The following MORC3 variants were observed in gnomAD, a reference collection of about 807,000 sequenced individuals.
MORC3 encodes the protein MORC family CW-type zinc finger 3.
In MORC3, 31 loss-of-function variants were observed where a neutral mutation model predicts 109.1. The observed-to-expected ratio is 0.28, with a 90% CI of 0.21 to 0.38. The LOEUF is 0.38. MORC3 is among the 10% of genes least tolerant of loss of function. The probability of loss-of-function intolerance (pLI) is 1.00; values close to 1 mark genes in which losing one functional copy is unlikely to be tolerated. For synonymous variants in MORC3, 395 were observed against 380.7 expected, an observed-to-expected ratio of 1.04 and a Z score of -0.44; for missense variants, 867 against 1,135.8, an observed-to-expected ratio of 0.76 and a Z score of 3.40.
chr21:36,367,842 A>G (rs2085799793), intron 14 of MORC3, among the ~76,000 whole-genome samples: 1 of 152,264 alleles, frequency 6.6e-6, no homozygotes, highest in Admixed American at 6.5e-5. Context: ...TGAAAATGGA[A>G]TGATGCTTTT....
rs199978347 is a variant in MORC3 at position 36,360,295 on chromosome 21, C to G, written c.1406+37C>G. 6.4e-5 allele frequency: 100 copies of G among 1,563,788 alleles called. No individual in the cohort carries two copies. In the East Asian group the frequency reaches 2.2e-3, roughly 35 times the overall value. ...ATTGATGTATAGTGGGTAATAATGC[C>G]CAGATCATGAACAGTGATGCCTTGG... On this transcript the variant is annotated intron_variant, in intron 12 of 16. Transcript: ENST00000400485.
At chr21:36,341,698 G>A in intron 6 of MORC3, 152 bp downstream of exon 6, 1 of 1,007,472 alleles carries the variant, frequency 9.9e-7, no homozygotes, top group Non-Finnish European at 1.5e-6. Context: ...CACTCAGCCT[G>A]GGCAACAGAG....
At chr21:36,325,352 C>G (rs1251768176) in intron 1 of MORC3, among the ~76,000 whole-genome samples, 1 of 152,162 alleles carries the variant, frequency 6.6e-6, no homozygotes, top group Non-Finnish European at 1.5e-5. Context: ...CCTGCCATGG[C>G]ATAATTCTGG....
At chr21:36,350,529 A>G (rs1257675428) in intron 9 of MORC3, among the ~76,000 whole-genome samples, 1 of 140,140 alleles carries the variant, frequency 7.1e-6, no homozygotes, top group Non-Finnish European at 1.5e-5. Context: ...TGGTGACAGA[A>G]GACACCCTGC....
At chr21:36,329,707 C>A (rs74402168) in intron 1 of MORC3, among the ~76,000 whole-genome samples, 1,590 of 152,136 alleles carry the variant, frequency 0.01, 28 homozygotes, top group African/African-American at 0.037. Context: ...ACTGCTCTGG[C>A]GTAACATCAC....
chr21:36,337,024 A>G lies in MORC3; in HGVS notation c.245+18A>G, dbSNP rs1440811751. The G allele has an allele frequency of 5.0e-6, 8 of 1,602,006 alleles. No individual in the cohort carries two copies. The highest frequency in any genetic ancestry group is 6.0e-6 in the Non-Finnish European group (7 of 1,176,172). ...ATGCTAAGGTAGGTAAAAATGTGCC[A>G]CACTTCTTAAAATTGTTGCTTTTAC... is the stretch of plus-strand genomic sequence containing the variant. On this transcript the variant is annotated intron_variant, in intron 3 of 16. Coordinates refer to ENST00000400485, the MANE Select transcript of MORC3 (RefSeq NM_015358.3).
chr21:36,326,589 T>C (rs1232047951), intron 1 of MORC3, among the ~76,000 whole-genome samples: 2 of 152,170 alleles, frequency 1.3e-5, no homozygotes, highest in Admixed American at 1.3e-4. Context: ...ATCATACATA[T>C]GTATACTGCA....
intron 1 of MORC3, among the ~76,000 whole-genome samples, chr21:36,325,621 G>A (rs1018236868): frequency 1.3e-5 from 2 of 152,214 alleles, no homozygotes; most frequent in South Asian, 4.1e-4. Flanking sequence ...TCCAGCACCT[G>A]ACAAACACTA....
rs754415398 is a variant in MORC3 at position 36,337,835 on chromosome 21, G to A, written c.349G>A (p.Val117Ile). The change falls in exon 4 of 17, where the codon GTT (valine) becomes ATT (isoleucine). Residue 117 changes from valine to isoleucine, a missense_variant. By Grantham distance (29) the Val-to-Ile change is conservative (BLOSUM62 3). Coordinates refer to ENST00000400485, the MANE Select transcript of MORC3 (RefSeq NM_015358.3). ...GSMRLGKDAI[V>I]FTKNGESMSV... ...TATGCGTCTGGGTAAAGACGCAATCGTTTTTACCAAAAATGGAGAAAGCAT... is the reference window on the plus strand; with the variant it reads ...TATGCGTCTGGGTAAAGACGCAATCATTTTTACCAAAAATGGAGAAAGCAT... The A allele has an allele frequency of 4.3e-6, 7 of 1,614,042 alleles. No homozygotes were observed. In the Admixed American group the frequency reaches 5.0e-5, roughly 12 times the overall value.
intron 13 of MORC3, among the ~76,000 whole-genome samples, chr21:36,362,543 C>T (rs2085731532): frequency 1.3e-5 from 2 of 149,992 alleles, no homozygotes; most frequent in African/African-American, 4.9e-5. Flanking sequence ...ACTTCCATCT[C>T]AAAAAATAAA....
At chr21:36,353,468 GACC>G (rs2085599409) in intron 9 of MORC3, among the ~76,000 whole-genome samples, 2 of 151,198 alleles carry the variant, frequency 1.3e-5, no homozygotes, top group African/African-American at 4.9e-5. Context: ...CTAGCCACTA[GACC>G]ACCAGGGAAC....
At position 36,348,777 on chromosome 21, in the gene MORC3, TCAAA is replaced by T. The variant is rs2085540545; in HGVS notation, c.1006-533_1006-530del. ...TGTCTAAATGGATACTTGTCAACAATCAAAGGGTTTTTGAGGAAGGCTCTAGTGT... is the reference window on the plus strand; with the variant it reads ...TGTCTAAATGGATACTTGTCAACAATGGGTTTTTGAGGAAGGCTCTAGTGT... On this transcript the variant is annotated intron_variant, in intron 8 of 16. Coordinates refer to ENST00000400485, the MANE Select transcript of MORC3 (RefSeq NM_015358.3). Among the ~76,000 whole-genome samples, 2 of 152,196 alleles carry T rather than the reference TCAAA, an allele frequency of 1.3e-5. 1 individual carries two copies. The highest frequency in any genetic ancestry group is 4.1e-4 in the South Asian group (2 of 4,834).
intron 8 of MORC3, among the ~76,000 whole-genome samples, chr21:36,347,607 A>G (rs1364629715): frequency 6.6e-6 from 1 of 152,186 alleles, no homozygotes. Flanking sequence ...TGCTCAGCAT[A>G]AAAAGTTGGT....
intron 1 of MORC3, among the ~76,000 whole-genome samples, chr21:36,330,132 G>A (rs1285825992): frequency 6.6e-6 from 1 of 151,990 alleles, no homozygotes; most frequent in Non-Finnish European, 1.5e-5. Flanking sequence ...AAAGCGCTGG[G>A]ATTACAGGTG....
At chr21:36,339,501 C>CAAAAAAAAAAAAAAAA (rs55863855) in intron 5 of MORC3, 120 of 101,012 alleles carry the variant, frequency 1.2e-3, no homozygotes, top group Non-Finnish European at 1.6e-3. Context: ...CCCGTCTTCT[C>CAAAAAAAAAAAAAAAA]AAAAAAAAAA....
At chr21:36,320,541 T>G (rs953852400) in intron 1 of MORC3, 2 of 350,106 alleles carry the variant, frequency 5.7e-6, no homozygotes, top group African/African-American at 4.3e-5. Flanking sequence ...CGGGCCAGGG[T>G]CGCGGCTCCT....
intron 1 of MORC3, among the ~76,000 whole-genome samples, chr21:36,324,582 G>A (rs1260780016): frequency 2.7e-5 from 4 of 149,662 alleles, no homozygotes; most frequent in Admixed American, 6.7e-5. Flanking sequence ...TGGCCTAACC[G>A]TAGTATTTTT....
At chr21:36,339,515 A>AAG (rs898720810) in intron 5 of MORC3, 2 of 135,796 alleles carry the variant, frequency 1.5e-5, no homozygotes, top group African/African-American at 6.7e-5. Context: ...AAAAAAAAAA[A>AAG]AAAAAGAAAA....
chr21:36,329,817 G>C (rs770167665), intron 1 of MORC3, among the ~76,000 whole-genome samples: 9 of 152,044 alleles, frequency 5.9e-5, no homozygotes, highest in Admixed American at 1.3e-4. Flanking sequence ...AATGTACATT[G>C]TGTAGAGAAT....
Sources: allele counts gnomAD v4.1 joint callset (sites outside exome capture counted in the v4.1 genomes callset), GRCh38; gene constraint gnomAD v4.1.1; transcripts MANE v1.5; gene names NCBI Gene and HGNC (gene_info 2026-07-23, HGNC 2026-07-21).